Variants in CLOCK observed in about 807,000 individuals in gnomAD.
The protein encoded by CLOCK is circadian locomoter output cycles protein kaput.
Under a neutral mutation model 118.4 loss-of-function variants are expected in CLOCK, and 43 were observed. That is an observed-to-expected ratio of 0.36 (90% confidence interval 0.28 to 0.47). The LOEUF is 0.47. CLOCK is among the 20% of genes least tolerant of loss of function. CLOCK has a pLI of 1.00. For missense variants in CLOCK, 846 were observed against 999.9 expected, an observed-to-expected ratio of 0.85 and a Z score of 2.08; for synonymous variants, 326 against 339.2, an observed-to-expected ratio of 0.96 and a Z score of 0.43.
At chr4:55,437,819 G>A (rs1406239582) in intron 22 of CLOCK, among the ~76,000 whole-genome samples, 2 of 152,052 alleles carry the variant, frequency 1.3e-5, no homozygotes, top group Non-Finnish European at 2.9e-5. Flanking sequence ...CACCTCCATG[G>A]TATTTCTCCT....
intron 2 of CLOCK, among the ~76,000 whole-genome samples, chr4:55,508,472 A>C (rs1361277273): frequency 1.3e-5 from 2 of 152,160 alleles, no homozygotes; most frequent in East Asian, 1.9e-4. Context: ...ATGGACTCCT[A>C]TCTCTCTCTA....
chr4:55,462,056 G>A (rs1725378325), intron 9 of CLOCK, among the ~76,000 whole-genome samples: 1 of 151,816 alleles, frequency 6.6e-6, no homozygotes, highest in Non-Finnish European at 1.5e-5. Flanking sequence ...TTTTTTCTGG[G>A]GCAAGAACTC....
intron 1 of CLOCK, among the ~76,000 whole-genome samples, chr4:55,522,570 AAGT>A (rs975790580): frequency 1.3e-5 from 2 of 152,142 alleles, no homozygotes; most frequent in Non-Finnish European, 2.9e-5. Flanking sequence ...TGAACAGAAT[AAGT>A]AGTTGGAAAA....
chr4:55,545,740 T>A (rs1028679144), intron 1 of CLOCK: 6 of 152,188 alleles, frequency 3.9e-5, no homozygotes, highest in African/African-American at 1.4e-4. Flanking sequence ...TCTGCGGCGC[T>A]GCGTGTAGGA....
intron 6 of CLOCK, among the ~76,000 whole-genome samples, chr4:55,478,146 T>C (rs1264219720): frequency 6.6e-6 from 1 of 152,028 alleles, no homozygotes; most frequent in Non-Finnish European, 1.5e-5. Flanking sequence ...ACAGGTTTTT[T>C]TTAAATCTAT....
At chr4:55,437,773 C>A (rs988384873) in intron 22 of CLOCK, among the ~76,000 whole-genome samples, 2 of 152,168 alleles carry the variant, frequency 1.3e-5, no homozygotes, top group African/African-American at 2.4e-5. Context: ...AGCCCAAGTT[C>A]TTAGCTATAC....
At chr4:55,521,819 G>A (rs1729863614) in intron 1 of CLOCK, among the ~76,000 whole-genome samples, 1 of 152,010 alleles carries the variant, frequency 6.6e-6, no homozygotes, top group Non-Finnish European at 1.5e-5. Flanking sequence ...ATGCATATAT[G>A]AGTGTGTATG....
chr4:55,513,505 A>C (rs1159510930), intron 1 of CLOCK, among the ~76,000 whole-genome samples: 1 of 152,090 alleles, frequency 6.6e-6, no homozygotes, highest in Non-Finnish European at 1.5e-5. Flanking sequence ...GATCTATTAA[A>C]ATATTTGTCT....
At chr4:55,527,848 G>C (rs1177086847) in intron 1 of CLOCK, among the ~76,000 whole-genome samples, 1 of 151,242 alleles carries the variant, frequency 6.6e-6, no homozygotes, top group East Asian at 2.0e-4. Context: ...ATGGAGAACA[G>C]CCTTGGCAAC....
At chr4:55,545,766 G>A (rs772980674) in intron 1 of CLOCK, 2 of 152,218 alleles carry the variant, frequency 1.3e-5, no homozygotes, top group African/African-American at 4.8e-5. Flanking sequence ...CACTCCAGGG[G>A]CCAGAGCGCC....
At position 55,465,352 on chromosome 4, in the gene CLOCK, C is replaced by T. The variant is rs147732483; in HGVS notation, c.439-1547G>A. On this transcript the variant is annotated intron_variant, in intron 8 of 22. Transcript: ENST00000513440. ...GATCCATGGATTTTGGTATCTGCAGCGGGTCCTGGAACCAACCAATTCCCC... is the reference window on the plus strand; with the variant it reads ...GATCCATGGATTTTGGTATCTGCAGTGGGTCCTGGAACCAACCAATTCCCC... Among the ~76,000 whole-genome samples, 516 of 152,174 alleles carry T rather than the reference C, an allele frequency of 3.4e-3. 2 individuals are homozygous for T. Among genetic ancestry groups the T allele is most frequent in the African/African-American group, 0.011 (471 of 41,512 alleles).
intron 20 of CLOCK, among the ~76,000 whole-genome samples, 165 bp from the exon 21 acceptor site, chr4:55,442,799 CTG>C (rs1300951392): frequency 3.3e-5 from 5 of 152,004 alleles, no homozygotes; most frequent in African/African-American, 1.2e-4. Context: ...CTCGTGGTAA[CTG>C]AGAATGAATT....
chr4:55,485,484 GC>G (rs1006146557), intron 3 of CLOCK, among the ~76,000 whole-genome samples: 1 of 152,102 alleles, frequency 6.6e-6, no homozygotes, highest in African/African-American at 2.4e-5. Context: ...GCAGACTACT[GC>G]AAGTCCCACG....
intron 18 of CLOCK, among the ~76,000 whole-genome samples, chr4:55,447,726 ATATATG>A (rs1723987292): frequency 6.6e-6 from 1 of 152,192 alleles, no homozygotes. Flanking sequence ...ATCTCCTATC[ATATATG>A]TATGACTTAA....
chr4:55,442,147 A>G, intron 21 of CLOCK: 1 of 378,808 alleles, frequency 2.6e-6, no homozygotes. Context: ...TCACAGTGAC[A>G]CAGAGCCTGT....
In CLOCK at chr4:55,474,889, G is replaced by A. The variant is rs1303381681; in HGVS notation, c.348+1074C>T. 3.3e-5 allele frequency among the ~76,000 whole-genome samples: 5 copies of A among 152,336 alleles called. No individual in the cohort carries two copies. The East Asian group carries it at 9.6e-4, about 29-fold the overall frequency. Reference sequence around the variant, plus strand: ...ACTTGGTAGCCCAAGAGTGCTGATGGAGATGTACAAGGAGATTAATGTTGT... The same window carrying A: ...ACTTGGTAGCCCAAGAGTGCTGATGAAGATGTACAAGGAGATTAATGTTGT... On this transcript the variant is annotated intron_variant, in intron 7 of 22. Transcript: ENST00000513440.
At chr4:55,501,711 A>T (rs1184790264) in intron 2 of CLOCK, 1 of 152,248 alleles carries the variant, frequency 6.6e-6, no homozygotes, top group African/African-American at 2.4e-5. Context: ...GACTAGTCAT[A>T]GTACACTTTT....
chr4:55,506,733 G>GT (rs1728823081), intron 2 of CLOCK, among the ~76,000 whole-genome samples: 1 of 151,834 alleles, frequency 6.6e-6, no homozygotes, highest in South Asian at 2.1e-4. Context: ...CTAATTTTTT[G>GT]TATTTTTAGT....
intron 1 of CLOCK, among the ~76,000 whole-genome samples, chr4:55,520,062 T>C (rs1003007143): frequency 2.0e-5 from 3 of 152,166 alleles, no homozygotes; most frequent in Non-Finnish European, 2.9e-5. Flanking sequence ...ACCTTAATAA[T>C]CCGATTCAAG....
Sources: gnomAD v4.1 joint callset for allele counts (sites outside exome capture counted in the v4.1 genomes callset) on GRCh38, gnomAD v4.1.1 for gene constraint, MANE v1.5 for transcripts, NCBI Gene and HGNC (gene_info 2026-07-23, HGNC 2026-07-21) for gene names.